The following TATDN2 variants were observed in gnomAD, a reference collection of about 807,000 sequenced individuals.
TATDN2 encodes the protein TatD DNase domain containing 2, also known as 3'-5' RNA nuclease TATDN2.
A neutral mutation model predicts 60.3 loss-of-function variants in TATDN2; 44 were observed. The observed-to-expected ratio is 0.73, with a 90% CI of 0.57 to 0.94. The LOEUF (loss-of-function observed/expected upper bound fraction) is 0.94. TATDN2 is among the 40% of genes least tolerant of loss of function. TATDN2 has a pLI of 0.00. For synonymous variants in TATDN2, 399 were observed against 355.8 expected (o/e 1.12, Z -1.37); for missense variants, 997 against 948.0 (o/e 1.05, Z -0.68).
intron 3 of TATDN2, among the ~76,000 whole-genome samples, chr3:10,263,760 T>C (rs1698439884): frequency 6.6e-6 from 1 of 152,184 alleles, no homozygotes; most frequent in Non-Finnish European, 1.5e-5. Flanking sequence ...TGCCTTCACA[T>C]GTCTGGTAAT....
intron 2 of TATDN2, among the ~76,000 whole-genome samples, chr3:10,259,923 A>G (rs979014514): frequency 6.6e-6 from 1 of 152,154 alleles, no homozygotes; most frequent in Non-Finnish European, 1.5e-5. Context: ...GTGAAAGGAT[A>G]TCATCTGCTG....
intron 3 of TATDN2, among the ~76,000 whole-genome samples, chr3:10,269,692 C>A (rs1196604061): frequency 6.6e-6 from 1 of 152,026 alleles, no homozygotes; most frequent in Non-Finnish European, 1.5e-5. Context: ...CAGAGCAAGA[C>A]CCTGTCTGAA....
intron 7 of TATDN2, 38 bp from the exon 8 acceptor site, chr3:10,279,183 G>T (rs1698687609): frequency 2.0e-6 from 2 of 986,890 alleles, no homozygotes; most frequent in African/African-American, 3.3e-5. Context: ...TGAGTGACAT[G>T]GTTTGGAACC....
At chr3:10,279,089 T>C in intron 7 of TATDN2, 26 bp downstream of exon 7, 1 of 1,569,454 alleles carries the variant, frequency 6.4e-7, no homozygotes, top group Non-Finnish European at 8.6e-7. Flanking sequence ...TTCTGTATTT[T>C]TTAAAAACCA....
At position 10,281,001 on chromosome 3, in the gene TATDN2, A is replaced by G. The variant is rs1698730434; in HGVS notation, c.*1819A>G. 1 of 152,272 alleles carries G rather than the reference A, an allele frequency of 6.6e-6. No individual in the cohort carries two copies. Among genetic ancestry groups the G allele is most frequent in the Non-Finnish European group, 1.5e-5 (1 of 68,054 alleles). 9.4% of individuals were successfully genotyped at this position (152,272 alleles called of 1,614,324 possible). A position where few individuals can be genotyped will look rare whatever the true frequency, so the allele number is the denominator to read the frequency against. ...CATCCACCTGCCAAGGAAAAGCACA[A>G]GGTGCTATCTACTTTTCTCTCTAGG... On this transcript the variant is annotated 3_prime_UTR_variant, in exon 8 of 8. Transcript: ENST00000448281.
At chr3:10,271,294 A>G (rs1223359492) in intron 4 of TATDN2, among the ~76,000 whole-genome samples, 1 of 152,104 alleles carries the variant, frequency 6.6e-6, no homozygotes, top group African/African-American at 2.4e-5. Flanking sequence ...CTTTCTTGGG[A>G]AGCAATAAAC....
intron 2 of TATDN2, among the ~76,000 whole-genome samples, chr3:10,252,660 C>T (rs185181687): frequency 2.6e-5 from 4 of 151,856 alleles, no homozygotes; most frequent in African/African-American, 4.8e-5. Context: ...CTTCTAGAGT[C>T]CTCTCACTGC....
In TATDN2 at chr3:10,249,217, G is replaced by A; in HGVS notation, c.17G>A (p.Gly6Asp). The A allele has an allele frequency of 1.3e-6, 2 of 1,528,080 alleles. No individual in the cohort carries two copies. The highest frequency in any genetic ancestry group is 1.8e-4 in the Middle Eastern group (1 of 5,642). 94.7% of individuals were successfully genotyped at this position (1,528,080 alleles called of 1,614,324 possible). The change falls in exon 2 of 8, where the codon GGC becomes GAC. Residue 6 changes from glycine (G) to aspartate (D), a missense_variant. Coordinates refer to ENST00000448281, the MANE Select transcript of TATDN2 (RefSeq NM_014760.4). Reference protein sequence around the residue: MASERGKVKHNWSSTS... With the variant: MASERDKVKHNWSSTS... ...CAGGTGCCCATGGCGTCCGAGCGGGGCAAGGTCAAGCACAACTGGAGCAGC... is the reference window on the plus strand; with the variant it reads ...CAGGTGCCCATGGCGTCCGAGCGGGACAAGGTCAAGCACAACTGGAGCAGC...
Position 10,248,974 on chromosome 3 carries a change from T to G in TATDN2, c.-100T>G, listed in dbSNP as rs1031674139. 2.2e-6 allele frequency: 1 copy of G among 444,808 alleles called. No individual in the cohort carries two copies. The highest frequency in any genetic ancestry group is 4.2e-5 in the Admixed American group (1 of 23,846). 27.6% of individuals were successfully genotyped at this position (444,808 alleles called of 1,614,324 possible). ...TGGGCTTGGAAACCGACGGCAGCCT[T>G]TAGTCAATTTTGGATCGCTTTGACT... is the stretch of plus-strand genomic sequence containing the variant. On this transcript the variant is annotated 5_prime_UTR_variant, in exon 1 of 8. Coordinates refer to ENST00000448281, the MANE Select transcript of TATDN2 (RefSeq NM_014760.4).
At chr3:10,264,515 A>G (rs1698450507) in intron 3 of TATDN2, among the ~76,000 whole-genome samples, 1 of 152,194 alleles carries the variant, frequency 6.6e-6, no homozygotes, top group Non-Finnish European at 1.5e-5. Context: ...TCCTTAGCCT[A>G]GAAAAGTTCT....
chr3:10,264,823 C>T (rs999743979), intron 3 of TATDN2, among the ~76,000 whole-genome samples: 8 of 151,896 alleles, frequency 5.3e-5, no homozygotes, highest in Non-Finnish European at 1.0e-4. Flanking sequence ...GGACTATAGG[C>T]GCATGCCACC....
Position 10,278,107 on chromosome 3 carries a change from G to A in TATDN2, c.1962-172G>A, listed in dbSNP as rs1401713822. 1.3e-5 allele frequency among the ~76,000 whole-genome samples: 2 copies of A among 152,078 alleles called. No individual in the cohort carries two copies. The highest frequency in any genetic ancestry group is 1.5e-5 in the Non-Finnish European group (1 of 68,010). On this transcript the variant is annotated intron_variant, in intron 5 of 7. Coordinates refer to ENST00000448281, the MANE Select transcript of TATDN2 (RefSeq NM_014760.4). The surrounding 1 kb of genome is among the most constrained non-coding windows in gnomAD (Gnocchi z 4.7). ...CTGATCACTCACCAAGTGCCATCTC[G>A]GGGCTTCCTGTGTTGGAGCCAGCCC...
intron 2 of TATDN2, among the ~76,000 whole-genome samples, chr3:10,253,212 G>A (rs912735086): frequency 6.6e-6 from 1 of 151,820 alleles, no homozygotes; most frequent in African/African-American, 2.4e-5. Flanking sequence ...TGTTGACCAG[G>A]CTGGTCTCAA....
intron 2 of TATDN2, among the ~76,000 whole-genome samples, chr3:10,251,870 T>C (rs1390336655): frequency 1.5e-4 from 22 of 147,090 alleles, no homozygotes; most frequent in Non-Finnish European, 1.5e-5. Flanking sequence ...TTTTTTGGGC[T>C]GGGCGTGGTG....
chr3:10,276,367 G>A lies in TATDN2; in HGVS notation c.1840G>A (p.Glu614Lys). The A allele has an allele frequency of 6.2e-7, 1 of 1,613,846 alleles. No homozygotes were observed. Among genetic ancestry groups the A allele is most frequent in the Non-Finnish European group, 8.5e-7 (1 of 1,179,886 alleles). Residue 614 changes from glutamate to lysine, a missense_variant, in exon 5 of 8, where the codon GAG becomes AAG. By Grantham distance (56) the Glu-to-Lys change is moderately conservative. Transcript: ENST00000448281. ...TPVPEQHKVF[E>K]RQLQLAVSLK... The stretch of plus-strand genomic sequence containing the variant: ...TCGCTGTGTCCTCTCCTAGGTATTT[G>A]AGAGACAGCTGCAGCTGGCTGTGTC...
intron 2 of TATDN2, among the ~76,000 whole-genome samples, chr3:10,252,793 G>A (rs1440591907): frequency 1.3e-5 from 2 of 150,090 alleles, no homozygotes; most frequent in African/African-American, 4.9e-5. Context: ...GGGCTCAAGC[G>A]ATCCTCCTGC....
intron 1 of TATDN2, 35 bp from the exon 2 acceptor site, chr3:10,249,160 G>T: frequency 6.7e-7 from 1 of 1,485,280 alleles, no homozygotes; most frequent in Non-Finnish European, 8.9e-7. Flanking sequence ...GCCAGGAAGG[G>T]TGGTGTTGGA....
At position 10,260,255 on chromosome 3, in the gene TATDN2, T is replaced by C. The variant is rs151099214; in HGVS notation, c.533T>C (p.Leu178Pro). Reference protein sequence around the residue: ...NKVQKRKRDRLRDQGSTMIYL... With the variant: ...NKVQKRKRDRPRDQGSTMIYL... Reference sequence around the variant, plus strand: ...GTCCAGAAAAGGAAGAGGGATAGACTTCGAGACCAGGGCTCCACAATGATC... The same window carrying C: ...GTCCAGAAAAGGAAGAGGGATAGACCTCGAGACCAGGGCTCCACAATGATC... The change falls in exon 3 of 8, where the codon CTT becomes CCT. Residue 178 changes from leucine (L) to proline (P), a missense_variant. Physicochemically the swap from Leu to Pro is moderately conservative, Grantham distance 98. Transcript: ENST00000448281. The C allele has an allele frequency of 3.1e-6, 5 of 1,614,022 alleles. No homozygotes were observed. Among genetic ancestry groups the C allele is most frequent in the Non-Finnish European group, 4.2e-6 (5 of 1,180,032 alleles).
chr3:10,265,996 A>AG (rs2125177403), intron 3 of TATDN2, among the ~76,000 whole-genome samples: 1 of 152,236 alleles, frequency 6.6e-6, no homozygotes, highest in East Asian at 1.9e-4. Context: ...TCCTCACTGA[A>AG]GGCTTAGGTT....
Sources: allele counts gnomAD v4.1 joint callset (sites outside exome capture counted in the v4.1 genomes callset), GRCh38; gene constraint gnomAD v4.1.1; non-coding constraint Gnocchi (gnomAD v3.1); transcripts MANE v1.5; gene names NCBI Gene and HGNC (gene_info 2026-07-23, HGNC 2026-07-21).